Variants in GRIA2 observed in about 807,000 individuals in gnomAD.
GRIA2 encodes the protein glutamate receptor 2.
GRIA2 carries 14 observed loss-of-function variants against 97.3 expected under a neutral mutation model. That is an observed-to-expected ratio of 0.14 (90% confidence interval 0.10 to 0.23). GRIA2 has a LOEUF of 0.23. Among genes scored for constraint, GRIA2 ranks in the 10% least tolerant of loss-of-function variants. The pLI is 1.00. For synonymous variants in GRIA2, 412 were observed against 387.8 expected (o/e 1.06, Z -0.73); for missense variants, 558 against 1,069.8 (o/e 0.52, Z 6.67).
chr4:157,311,635 C>T (rs1313931769), intron 3 of GRIA2, among the ~76,000 whole-genome samples: 1 of 152,024 alleles, frequency 6.6e-6, no homozygotes, highest in African/African-American at 2.4e-5. Flanking sequence ...GTGAATCCTA[C>T]ATTTTATTAA....
chr4:157,346,138 C>A (rs1010712854), intron 12 of GRIA2, among the ~76,000 whole-genome samples: 7 of 151,944 alleles, frequency 4.6e-5, no homozygotes, highest in Non-Finnish European at 7.4e-5. Flanking sequence ...AAGATGTTAA[C>A]CTTTTTTCAA....
intron 2 of GRIA2, among the ~76,000 whole-genome samples, chr4:157,293,352 A>G (rs1300587944): frequency 6.6e-6 from 1 of 152,180 alleles, no homozygotes; most frequent in Admixed American, 6.5e-5. Context: ...TCTTCAAACT[A>G]GGGAATATCA....
chr4:157,257,392 T>G (rs2126759218), intron 2 of GRIA2, among the ~76,000 whole-genome samples: 1 of 152,170 alleles, frequency 6.6e-6, no homozygotes, highest in South Asian at 2.1e-4. Context: ...CTTTGGAGCC[T>G]GAAAAAGTGA....
intron 2 of GRIA2, among the ~76,000 whole-genome samples, chr4:157,281,825 A>C (rs1166538823): frequency 2.0e-5 from 3 of 152,100 alleles, no homozygotes; most frequent in Non-Finnish European, 4.4e-5. Flanking sequence ...CTTCCAAACC[A>C]GCACGTCCTA....
chr4:157,274,974 A>T (rs961914152), intron 2 of GRIA2, among the ~76,000 whole-genome samples: 1 of 150,840 alleles, frequency 6.6e-6, no homozygotes, highest in African/African-American at 2.4e-5. Flanking sequence ...ACTAGTTTAC[A>T]GTCCCACCAA....
At chr4:157,347,912 T>C (rs1013462210) in intron 12 of GRIA2, among the ~76,000 whole-genome samples, 1 of 151,978 alleles carries the variant, frequency 6.6e-6, no homozygotes, top group African/African-American at 2.4e-5. Context: ...GATCTCGAGG[T>C]CAAGAGATTG....
chr4:157,295,545 C>G (rs1454971007), intron 2 of GRIA2, among the ~76,000 whole-genome samples: 2 of 151,920 alleles, frequency 1.3e-5, no homozygotes, highest in Non-Finnish European at 2.9e-5. Context: ...CAGGAGTGAA[C>G]AAAGTAAAGG....
intron 2 of GRIA2, among the ~76,000 whole-genome samples, chr4:157,298,927 C>G (rs544820466): frequency 6.6e-6 from 1 of 151,912 alleles, no homozygotes; most frequent in African/African-American, 2.4e-5. Flanking sequence ...GGTGAGACCA[C>G]TAAGAGGCAG....
At chr4:157,291,191 T>C (rs1295283789) in intron 2 of GRIA2, among the ~76,000 whole-genome samples, 1 of 151,966 alleles carries the variant, frequency 6.6e-6, no homozygotes, top group African/African-American at 2.4e-5. Context: ...AATTCTAATT[T>C]CCAGGGAGCT....
At chr4:157,235,168 T>G (rs1730188200) in intron 2 of GRIA2, among the ~76,000 whole-genome samples, 2 of 152,286 alleles carry the variant, frequency 1.3e-5, no homozygotes, top group South Asian at 4.1e-4. Context: ...GGATAAAAGC[T>G]ATATACTTAT....
At chr4:157,260,721 AT>A (rs959404704) in intron 2 of GRIA2, among the ~76,000 whole-genome samples, 10 of 152,204 alleles carry the variant, frequency 6.6e-5, no homozygotes, top group Admixed American at 6.5e-4. Context: ...AAAACTAGAT[AT>A]TGAGGGATAA....
intron 12 of GRIA2, among the ~76,000 whole-genome samples, chr4:157,346,006 T>C (rs1004219345): frequency 3.3e-5 from 5 of 152,200 alleles, no homozygotes; most frequent in African/African-American, 1.2e-4. Context: ...AATGGATAAC[T>C]AGTATTAATG....
chr4:157,354,775 A>G (rs1432744741), intron 12 of GRIA2, among the ~76,000 whole-genome samples: 1 of 152,158 alleles, frequency 6.6e-6, no homozygotes, highest in Non-Finnish European at 1.5e-5. Context: ...CCATTAGGGT[A>G]GTGCGTATGT....
In GRIA2 at chr4:157,309,353, T is replaced by G. The variant is rs566968522; in HGVS notation, c.470-3326T>G. On this transcript the variant is annotated intron_variant, in intron 3 of 15. Transcript: ENST00000264426. ...GAAAGTCAGAGAAATTTCTTGGTTT[T>G]TTTTTTTTTTTTTTTTGAAATGGAG... Among the ~76,000 whole-genome samples the G allele has an allele frequency of 1.8e-3, 270 of 149,568 alleles. 1 individual carries two copies. Among genetic ancestry groups the G allele is most frequent in the Non-Finnish European group, 3.1e-3 (209 of 67,180 alleles).
chr4:157,281,950 A>G (rs1732618071), intron 2 of GRIA2, among the ~76,000 whole-genome samples: 1 of 152,118 alleles, frequency 6.6e-6, no homozygotes, highest in African/African-American at 2.4e-5. Context: ...ACACTTTAGC[A>G]TGCTGTCTCA....
chr4:157,271,787 T>G (rs1732037134), intron 2 of GRIA2, among the ~76,000 whole-genome samples: 1 of 152,118 alleles, frequency 6.6e-6, no homozygotes, highest in Admixed American at 6.6e-5. Context: ...TGAAGCTACC[T>G]TGGGTTGCCA....
intron 12 of GRIA2, among the ~76,000 whole-genome samples, chr4:157,353,988 A>C (rs1424833000): frequency 6.6e-6 from 1 of 152,224 alleles, no homozygotes; most frequent in East Asian, 1.9e-4. Context: ...GTTTTCATAT[A>C]AAATGTCATG....
At chr4:157,221,457 C>T in intron 1 of GRIA2, 1 of 589,834 alleles carries the variant, frequency 1.7e-6, no homozygotes, top group Non-Finnish European at 3.0e-6. Flanking sequence ...GGTTTCTGGC[C>T]GCCTACCTCG....
intron 5 of GRIA2, among the ~76,000 whole-genome samples, chr4:157,320,354 T>A (rs1734505405): frequency 6.6e-6 from 1 of 152,006 alleles, no homozygotes; most frequent in African/African-American, 2.4e-5. Flanking sequence ...TTTCAAAAAT[T>A]GATAAATTAA....
Sources: gnomAD v4.1 joint callset for allele counts (sites outside exome capture counted in the v4.1 genomes callset) on GRCh38, gnomAD v4.1.1 for gene constraint, MANE v1.5 for transcripts, NCBI Gene and HGNC (gene_info 2026-07-23, HGNC 2026-07-21) for gene names.